MTCL1: variants seen among roughly 807,000 people sequenced by gnomAD.
MTCL1 encodes the protein microtubule cross-linking factor 1.
In MTCL1, 79 loss-of-function variants were observed where a neutral mutation model predicts 141.4. The observed-to-expected ratio is 0.56, with a 90% CI of 0.47 to 0.67. MTCL1 has a LOEUF of 0.67. Among genes scored for constraint, MTCL1 ranks in the 30% least tolerant of loss-of-function variants. The pLI is 0.00. For synonymous variants in MTCL1, 914 were observed against 875.8 expected, an observed-to-expected ratio of 1.04 and a Z score of -0.77; for missense variants, 2,177 against 2,113.9, an observed-to-expected ratio of 1.03 and a Z score of -0.59.
intron 4 of MTCL1, among the ~76,000 whole-genome samples, chr18:8,758,047 A>C (rs921076429): frequency 2.8e-5 from 4 of 141,268 alleles, no homozygotes; most frequent in African/African-American, 8.1e-5. Context: ...TTTGAGACAG[A>C]GTTTCACTCT....
intron 1 of MTCL1, among the ~76,000 whole-genome samples, chr18:8,709,806 G>A (rs543395558): frequency 1.3e-5 from 2 of 152,128 alleles, no homozygotes; most frequent in South Asian, 4.2e-4. Context: ...GAATTATCTT[G>A]GCTTTTAGCC....
rs201986313 is a variant in MTCL1, at chr18:8,756,425, GTGTATATA to G, written c.358-21396_358-21389del. Among the ~76,000 whole-genome samples the G allele has an allele frequency of 9.7e-3, 1,423 of 147,294 alleles. 27 individuals are homozygous for G. Among genetic ancestry groups the G allele is most frequent in the African/African-American group, 0.035 (1,340 of 38,100 alleles). ...TATATGTGTGTATATGTGTATATATGTGTATATATGTATATATGTGTATATATGTGTAT... is the reference window on the plus strand; with the variant it reads ...TATATGTGTGTATATGTGTATATATGTGTATATATGTGTATATATGTGTAT... On this transcript the variant is annotated intron_variant, in intron 4 of 16. Coordinates refer to ENST00000359865, the Ensembl canonical transcript of MTCL1.
At chr18:8,817,683 T>A (rs1440541667) in intron 12 of MTCL1, among the ~76,000 whole-genome samples, 1 of 152,230 alleles carries the variant, frequency 6.6e-6, no homozygotes, top group Admixed American at 6.5e-5. Context: ...GGTTTTAGAA[T>A]TTCCTGGAAC....
Position 8,768,631 on chromosome 18 carries a change from T to A in MTCL1, c.358-9202T>A, listed in dbSNP as rs546597687. Among the ~76,000 whole-genome samples the A allele has an allele frequency of 2.9e-4, 44 of 152,260 alleles. No individual in the cohort carries two copies. In the South Asian group the frequency reaches 7.3e-3, roughly 25 times the overall value. On this transcript the variant is annotated intron_variant, in intron 4 of 16. Coordinates refer to ENST00000359865, the Ensembl canonical transcript of MTCL1. ...AGAGGGCAACATTTTAATATATCAT[T>A]TATTTGTATGATTTTTCAGCTTTGT...
chr18:8,720,762 A>G (rs1327553331), intron 4 of MTCL1, among the ~76,000 whole-genome samples: 1 of 152,140 alleles, frequency 6.6e-6, no homozygotes. Context: ...AGCCTAAAAT[A>G]TTTTCTATCT....
exon 17 of MTCL1, chr18:8,832,466 G>A (rs1247244015): frequency 6.5e-6 from 1 of 153,296 alleles, no homozygotes; most frequent in East Asian, 1.9e-4. Context: ...GCACGTCTTC[G>A]GGTGCATGTA....
chr18:8,799,736 A>G (rs2076050514), intron 10 of MTCL1, among the ~76,000 whole-genome samples: 1 of 152,222 alleles, frequency 6.6e-6, no homozygotes, highest in African/African-American at 2.4e-5. Context: ...TTTCCCACGC[A>G]TTCACGCAGA....
intron 4 of MTCL1, among the ~76,000 whole-genome samples, chr18:8,736,241 A>G (rs1039451715): frequency 6.6e-5 from 10 of 152,198 alleles, no homozygotes; most frequent in Non-Finnish European, 7.3e-5. Context: ...GAGATGTTAA[A>G]ATGTGACATC....
intron 12 of MTCL1, among the ~76,000 whole-genome samples, chr18:8,813,948 T>A (rs1225335678): frequency 1.3e-5 from 2 of 152,232 alleles, no homozygotes; most frequent in African/African-American, 4.8e-5. Context: ...TGATGAAGAT[T>A]TGGAATTCTT....
intron 4 of MTCL1, among the ~76,000 whole-genome samples, chr18:8,760,156 G>C (rs1222787039): frequency 6.6e-6 from 1 of 152,228 alleles, no homozygotes; most frequent in Non-Finnish European, 1.5e-5. Flanking sequence ...GTCAGCAGGA[G>C]GTGGACAGTC....
intron 10 of MTCL1, among the ~76,000 whole-genome samples, chr18:8,802,618 T>G (rs543394150): frequency 2.0e-4 from 30 of 152,366 alleles, no homozygotes; most frequent in South Asian, 4.1e-4. Context: ...TAGACAGACT[T>G]GGATAGCAGT....
Position 8,828,360 on chromosome 18 carries a change from A to C in MTCL1, c.4723-548A>C, listed in dbSNP as rs1424647887. 6.6e-6 allele frequency among the ~76,000 whole-genome samples: 1 copy of C among 152,210 alleles called. No individual in the cohort carries two copies. Among genetic ancestry groups the C allele is most frequent in the Non-Finnish European group, 1.5e-5 (1 of 68,032 alleles). On this transcript the variant is annotated intron_variant, in intron 15 of 16. Coordinates refer to ENST00000359865, the Ensembl canonical transcript of MTCL1. The surrounding 1 kb of genome is among the most constrained non-coding windows in gnomAD (Gnocchi z 5.2). ...TCTCTTGACACCATGGCACTAGTTC[A>C]GCAGTGCAGAGAGAAGCCGTGAGGA...
chr18:8,824,888 T>TG lies in MTCL1; in HGVS notation c.3384dup (p.Pro1129AlafsTer83), dbSNP rs1194526003. On this transcript the variant is annotated frameshift_variant, in exon 15 of 17. Transcript: ENST00000359865. LOFTEE classifies it high-confidence loss of function. Reference sequence around the variant, plus strand: ...ACACACCCAACAGGGGCCACAATGGTGGGGGGCCGGACCTTTGGGCCGACA... The same window carrying TG: ...ACACACCCAACAGGGGCCACAATGGTGGGGGGGCCGGACCTTTGGGCCGACA... 6.2e-7 allele frequency: 1 copy of TG among 1,613,474 alleles called. No individual in the cohort carries two copies. Among genetic ancestry groups the TG allele is most frequent in the Non-Finnish European group, 8.5e-7 (1 of 1,179,908 alleles).
chr18:8,762,649 G>A (rs887712636), intron 4 of MTCL1, among the ~76,000 whole-genome samples: 1 of 152,224 alleles, frequency 6.6e-6, no homozygotes, highest in African/African-American at 2.4e-5. Context: ...AGGACAGAGC[G>A]GCTGCCAGAA....
At chr18:8,706,446 C>G in exon 1 of MTCL1, 1 of 1,229,804 alleles carries the variant, frequency 8.1e-7, no homozygotes, top group Non-Finnish European at 1.0e-6. Flanking sequence ...CGCCGCCGGG[C>G]AGCCCCGAGC....
In MTCL1 at chr18:8,830,542, G is replaced by T; in HGVS notation, c.*19-1065G>T. Reference sequence around the variant, plus strand: ...GTCCTTCCCCCGCTGCTGCTCCCCTGCACCACTGGCTGGGCTGTCCTCATC... The same window carrying T: ...GTCCTTCCCCCGCTGCTGCTCCCCTTCACCACTGGCTGGGCTGTCCTCATC... On this transcript the variant is annotated intron_variant, in intron 16 of 16. Coordinates refer to ENST00000359865, the Ensembl canonical transcript of MTCL1. The surrounding 1 kb of genome is among the most constrained non-coding windows in gnomAD (Gnocchi z 6.4). 1 of 986,420 alleles carries T rather than the reference G, an allele frequency of 1.0e-6. No individual in the cohort carries two copies. The highest frequency in any genetic ancestry group is 1.2e-6 in the Non-Finnish European group (1 of 830,692). The allele number at this position is 986,420 out of a possible 1,614,324, so 61.1% of individuals were successfully genotyped here. A position where few individuals can be genotyped will look rare whatever the true frequency, so the allele number is the denominator to read the frequency against.
intron 4 of MTCL1, among the ~76,000 whole-genome samples, chr18:8,745,821 G>A (rs140131024): frequency 1.0e-3 from 157 of 152,208 alleles, no homozygotes; most frequent in African/African-American, 3.5e-3. Context: ...TTGAGCAACC[G>A]CCGTCTATCT....
At chr18:8,829,157 G>C in intron 16 of MTCL1, 1 of 985,460 alleles carries the variant, frequency 1.0e-6, no homozygotes, top group Non-Finnish European at 1.2e-6. Flanking sequence ...TCTGCTAGAG[G>C]GTTGACCACT....
chr18:8,731,784 C>G (rs1484564750), intron 4 of MTCL1, among the ~76,000 whole-genome samples: 1 of 152,094 alleles, frequency 6.6e-6, no homozygotes, highest in Non-Finnish European at 1.5e-5. Flanking sequence ...TCTCAGCTCA[C>G]TGCAACCTCT....
Sources: allele counts gnomAD v4.1 joint callset (sites outside exome capture counted in the v4.1 genomes callset), GRCh38; gene constraint gnomAD v4.1.1; non-coding constraint Gnocchi (gnomAD v3.1); transcripts MANE v1.5; gene names NCBI Gene and HGNC (gene_info 2026-07-23, HGNC 2026-07-21).